Variants in ABCC1 observed in about 807,000 individuals in gnomAD.
The protein encoded by ABCC1 is multidrug resistance-associated protein 1.
ABCC1 carries 83 observed loss-of-function variants against 172.9 expected under a neutral mutation model. That is an observed-to-expected ratio of 0.48 (90% CI 0.40 to 0.58). The LOEUF is 0.58. Ranked by LOEUF, ABCC1 falls within the 20% of genes least tolerant of loss-of-function variation. The pLI, the probability that ABCC1 is intolerant of heterozygous loss-of-function variation, is 0.00. For missense variants in ABCC1, 1,817 were observed against 2,002.7 expected (o/e 0.91, Z 1.77); for synonymous variants, 937 against 825.2 (o/e 1.14, Z -2.32).
At chr16:15,999,769 T>TTCTCTCTCTCCCTC (rs2047186883) in intron 1 of ABCC1, among the ~76,000 whole-genome samples, 1 of 25,360 alleles carries the variant, frequency 3.9e-5, no homozygotes, top group Non-Finnish European at 8.8e-5. Flanking sequence ...CCCGGCCTCT[T>TTCTCTCTCTCCCTC]TCTCTCTCTC....
intron 1 of ABCC1, among the ~76,000 whole-genome samples, chr16:15,951,732 C>G (rs1458409156): frequency 6.6e-6 from 1 of 152,000 alleles, no homozygotes; most frequent in Non-Finnish European, 1.5e-5. Flanking sequence ...CTCTGTCACC[C>G]AGGCTGGAGT....
chr16:16,083,528 G>C lies in ABCC1; in HGVS notation c.2278G>C (p.Glu760Gln). The C allele has an allele frequency of 6.2e-7, 1 of 1,613,122 alleles. No homozygotes were observed. The highest frequency in any genetic ancestry group is 8.5e-7 in the Non-Finnish European group (1 of 1,179,644). ...AATCCTGCCCAGTGGGGATCGGACA[G>C]AGATTGGCGAGAAGGTCAGTATAGG... is the stretch of plus-strand genomic sequence containing the variant. ...LEILPSGDRT[E>Q]IGEKGVNLSG... Residue 760 changes from glutamate to glutamine, a missense_variant, in exon 17 of 31, where the codon GAG (glutamate) becomes CAG (glutamine). By Grantham distance (29) the Glu-to-Gln change is conservative. Transcript: ENST00000399410.
chr16:16,014,821 GC>G (rs1045422880), intron 4 of ABCC1, among the ~76,000 whole-genome samples, 193 bp downstream of exon 4: 14 of 152,062 alleles, frequency 9.2e-5, no homozygotes, highest in African/African-American at 3.4e-4. Flanking sequence ...CTTTTTTCTA[GC>G]ACCTCCTTTC....
intron 1 of ABCC1, among the ~76,000 whole-genome samples, chr16:15,965,713 C>G (rs1369704408): frequency 6.6e-6 from 1 of 152,152 alleles, no homozygotes; most frequent in African/African-American, 2.4e-5. Context: ...TCTCCTGCCT[C>G]AGCCGCTGGA....
chr16:16,036,380 C>T (rs1472593690), intron 6 of ABCC1, 92 bp from the exon 7 acceptor site: 1 of 1,214,580 alleles, frequency 8.2e-7, no homozygotes, highest in Non-Finnish European at 1.2e-6. Flanking sequence ...AGGGGAGCAG[C>T]ATCAGCAGGC....
intron 12 of ABCC1, among the ~76,000 whole-genome samples, chr16:16,063,651 A>T (rs1301142195): frequency 1.3e-5 from 2 of 152,140 alleles, no homozygotes; most frequent in Non-Finnish European, 2.9e-5. Context: ...TTAAGCATGA[A>T]TGGGGTTCCA....
intron 1 of ABCC1, among the ~76,000 whole-genome samples, chr16:15,987,864 C>G (rs1294465542): frequency 6.6e-6 from 1 of 152,202 alleles, no homozygotes; most frequent in African/African-American, 2.4e-5. Context: ...GGTCTGACTT[C>G]AGGACCTTTG....
chr16:16,102,547 A>AGT (rs555809266), intron 19 of ABCC1, 80 bp from the exon 20 acceptor site: 13 of 1,330,890 alleles, frequency 9.8e-6, no homozygotes, highest in Non-Finnish European at 1.4e-5. Context: ...TCCTCACTGA[A>AGT]GTGGCCGGTT....
At chr16:16,000,114 A>G (rs899307097) in intron 1 of ABCC1, among the ~76,000 whole-genome samples, 1 of 151,156 alleles carries the variant, frequency 6.6e-6, no homozygotes, top group African/African-American at 2.4e-5. Context: ...CGGTCTCCCA[A>G]AGTGTTGGGA....
chr16:16,034,233 G>A (rs1261915520), intron 6 of ABCC1, among the ~76,000 whole-genome samples: 2 of 151,164 alleles, frequency 1.3e-5, no homozygotes, highest in Non-Finnish European at 2.9e-5. Context: ...TCATCATGTT[G>A]CCCAGGCTGG....
intron 19 of ABCC1, among the ~76,000 whole-genome samples, chr16:16,097,645 T>G (rs2093305081): frequency 6.6e-6 from 1 of 152,162 alleles, no homozygotes; most frequent in Non-Finnish European, 1.5e-5. Flanking sequence ...CAGGTCTGCT[T>G]TAGAAAGCAG....
Position 16,015,287 on chromosome 16 carries a change from G to A in ABCC1, c.489+659G>A, listed in dbSNP as rs993318220. Among the ~76,000 whole-genome samples the A allele has an allele frequency of 4.6e-5, 7 of 152,034 alleles. No individual in the cohort carries two copies. In the East Asian group the frequency reaches 5.8e-4, roughly 13 times the overall value. On this transcript the variant is annotated intron_variant, in intron 4 of 30. Coordinates refer to ENST00000399410, the MANE Select transcript of ABCC1 (RefSeq NM_004996.4). ...CCCCAGTAGCTGGGACCACAGGCAC[G>A]CGCCACCATGCCCAGCTAATTTTTG...
chr16:16,052,415 C>G (rs931249601), intron 10 of ABCC1, among the ~76,000 whole-genome samples: 3 of 148,978 alleles, frequency 2.0e-5, no homozygotes, highest in Non-Finnish European at 4.4e-5. Context: ...GGCAACATAG[C>G]GAGACCTCAT....
Position 16,106,720 on chromosome 16 carries a change from T to C in ABCC1, c.2736-18T>C, listed in dbSNP as rs2052131449. 1 of 1,613,702 alleles carries C rather than the reference T, an allele frequency of 6.2e-7. No homozygotes were observed. Among genetic ancestry groups the C allele is most frequent in the Non-Finnish European group, 8.5e-7 (1 of 1,180,016 alleles). On this transcript the variant is annotated intron_variant, in intron 20 of 30. Coordinates refer to ENST00000399410, the MANE Select transcript of ABCC1 (RefSeq NM_004996.4). ...AAGGCATCTGTACGGTTGACACCCTTGTGCTTTGCTTCTCCAGACAGCTCA... is the reference window on the plus strand; with the variant it reads ...AAGGCATCTGTACGGTTGACACCCTCGTGCTTTGCTTCTCCAGACAGCTCA...
chr16:16,025,064 G>A (rs866633683), intron 5 of ABCC1, among the ~76,000 whole-genome samples: 1 of 152,162 alleles, frequency 6.6e-6, no homozygotes, highest in Admixed American at 6.5e-5. Context: ...AGATTCTGGG[G>A]TGTGCTCCAG....
In ABCC1 at chr16:16,046,916, C is replaced by T. The variant is rs45545134; in HGVS notation, c.1218+903C>T. 6.7e-3 allele frequency among the ~76,000 whole-genome samples: 1,014 copies of T among 152,116 alleles called. 12 individuals are homozygous for T. Among genetic ancestry groups the T allele is most frequent in the African/African-American group, 0.023 (973 of 41,496 alleles). On this transcript the variant is annotated intron_variant, in intron 9 of 30. Transcript: ENST00000399410. ...CTGGGGAGCTTAAACTGATGCAGGCCAGGCACTGTAGCTCATGCCTGTAAT... is the reference window on the plus strand; with the variant it reads ...CTGGGGAGCTTAAACTGATGCAGGCTAGGCACTGTAGCTCATGCCTGTAAT...
intron 1 of ABCC1, among the ~76,000 whole-genome samples, chr16:15,962,564 G>A (rs2046158452): frequency 6.6e-6 from 1 of 152,194 alleles, no homozygotes; most frequent in Non-Finnish European, 1.5e-5. Context: ...AGTTCTGCAT[G>A]GCTGGGGAGG....
chr16:15,978,805 A>G (rs1432989579), intron 1 of ABCC1, among the ~76,000 whole-genome samples: 1 of 152,120 alleles, frequency 6.6e-6, no homozygotes, highest in Non-Finnish European at 1.5e-5. Context: ...GTCTAGAGAC[A>G]TTTTTGTTGT....
chr16:16,044,375 C>A, intron 7 of ABCC1, 75 bp from the exon 8 acceptor site: 3 of 1,300,048 alleles, frequency 2.3e-6, no homozygotes, highest in South Asian at 2.5e-5. Flanking sequence ...GGGTGACATT[C>A]CCTGGCCATG....
Sources: gnomAD v4.1 joint callset for allele counts (sites outside exome capture counted in the v4.1 genomes callset) on GRCh38, gnomAD v4.1.1 for gene constraint, MANE v1.5 for transcripts, NCBI Gene and HGNC (gene_info 2026-07-23, HGNC 2026-07-21) for gene names.